The following SGK3 variants were observed in gnomAD, a reference collection of about 807,000 sequenced individuals.
The protein encoded by SGK3 is serum/glucocorticoid regulated kinase family member 3, also known as serine/threonine-protein kinase Sgk3.
SGK3 carries 47 observed loss-of-function variants against 68.5 expected under a neutral mutation model. That is an observed-to-expected ratio of 0.69 (90% CI 0.54 to 0.87). The LOEUF is 0.87. SGK3 is among the 40% of genes least tolerant of loss of function. The probability of loss-of-function intolerance (pLI) is 0.00; values close to 1 mark genes in which losing one functional copy is unlikely to be tolerated. For missense variants in SGK3, 479 were observed against 575.5 expected (o/e 0.83, Z 1.72); for synonymous variants, 181 against 189.1 (o/e 0.96, Z 0.35).
rs1345647602 is a variant in SGK3, at chr8:66,841,068, T to C, written c.936T>C (p.Ile312=). 3.8e-6 allele frequency: 6 copies of C among 1,599,440 alleles called. No homozygotes were observed. Among genetic ancestry groups the C allele is most frequent in the East Asian group, 2.3e-5 (1 of 43,964 alleles). ...LTDFGLCKEG[I]AISDTTTTFC... ...ATTTTGGGCTTTGTAAAGAAGGAAT[T>C]GCTATTTCTGACACCACTACCACAT... is the stretch of plus-strand genomic sequence containing the variant. Residue 312 remains isoleucine, a synonymous_variant, in exon 13 of 17, where the codon ATT becomes ATC. Coordinates refer to ENST00000521198, the MANE Select transcript of SGK3 (RefSeq NM_001033578.3).
intron 5 of SGK3, 39 bp downstream of exon 5, chr8:66,813,967 C>T (rs1460629737): frequency 6.7e-7 from 1 of 1,502,130 alleles, no homozygotes; most frequent in African/African-American, 1.4e-5. Flanking sequence ...GACATTAAAA[C>T]TAAACCTAAG....
intron 1 of SGK3, among the ~76,000 whole-genome samples, chr8:66,742,054 A>G (rs1805496682): frequency 1.3e-5 from 2 of 152,348 alleles, no homozygotes; most frequent in South Asian, 4.1e-4. Context: ...AGTCAAAGGA[A>G]CATCAAGTAC....
intron 1 of SGK3, among the ~76,000 whole-genome samples, chr8:66,760,495 C>T (rs755303635): frequency 2.6e-5 from 4 of 151,776 alleles, no homozygotes; most frequent in Admixed American, 6.6e-5. Flanking sequence ...CCACCACACC[C>T]GGCTAACTTT....
intron 8 of SGK3, among the ~76,000 whole-genome samples, chr8:66,832,541 CCTG>C (rs1809344313): frequency 6.6e-6 from 1 of 152,104 alleles, no homozygotes. Context: ...AGAAATTAAT[CCTG>C]CTCTCAAAAT....
At chr8:66,759,077 C>CCT (rs1554595461) in intron 1 of SGK3, among the ~76,000 whole-genome samples, 1 of 147,212 alleles carries the variant, frequency 6.8e-6, no homozygotes, top group African/African-American at 2.5e-5. Flanking sequence ...TTTTTCTTTT[C>CCT]TTCTTTTTTT....
intron 1 of SGK3, among the ~76,000 whole-genome samples, chr8:66,719,316 A>G (rs536697054): frequency 3.4e-5 from 5 of 145,094 alleles, no homozygotes; most frequent in Admixed American, 6.9e-5. Flanking sequence ...TTTTTCTTTT[A>G]TTTGTTTGTT....
At chr8:66,730,772 T>C (rs901700493) in intron 1 of SGK3, among the ~76,000 whole-genome samples, 1 of 151,956 alleles carries the variant, frequency 6.6e-6, no homozygotes. Context: ...CCCCCTCCCA[T>C]GTTCAAGCAA....
At chr8:66,723,131 A>ATATATATATATT in intron 1 of SGK3, among the ~76,000 whole-genome samples, 1 of 29,496 alleles carries the variant, frequency 3.4e-5, no homozygotes, top group Non-Finnish European at 5.9e-5. Context: ...ATATATATAT[A>ATATATATATATT]TTTTTTTTTT....
At chr8:66,745,594 C>A (rs140980254) in intron 1 of SGK3, among the ~76,000 whole-genome samples, 14,484 of 145,534 alleles carry the variant, frequency 0.1, 1,082 homozygotes, top group African/African-American at 0.24. Flanking sequence ...CAAAACAAAA[C>A]AAAAAAACAA....
intron 1 of SGK3, among the ~76,000 whole-genome samples, chr8:66,757,927 GTATA>G (rs371749099): frequency 1.5e-5 from 2 of 134,260 alleles, no homozygotes; most frequent in East Asian, 4.3e-4. Flanking sequence ...AAAAAAAAGT[GTATA>G]TATATATATA....
intron 3 of SGK3, among the ~76,000 whole-genome samples, chr8:66,800,427 G>A (rs1363538337): frequency 7.3e-6 from 1 of 137,776 alleles, no homozygotes; most frequent in East Asian, 2.1e-4. Context: ...GGGTACATGT[G>A]CACAACGTGC....
rs933763478 is a variant in SGK3, at chr8:66,813,460, G to A, written c.254-393G>A. On this transcript the variant is annotated intron_variant, in intron 4 of 16. Transcript: ENST00000521198. ...GAAATCCTTATTTTTTTAAATTACCGTGATTTTCAGTCATCAGTGTCATAG... is the reference window on the plus strand; with the variant it reads ...GAAATCCTTATTTTTTTAAATTACCATGATTTTCAGTCATCAGTGTCATAG... Among the ~76,000 whole-genome samples, 8 of 151,862 alleles carry A rather than the reference G, an allele frequency of 5.3e-5. No homozygotes were observed. In the South Asian group the frequency reaches 6.2e-4, roughly 12 times the overall value.
intron 1 of SGK3, among the ~76,000 whole-genome samples, chr8:66,781,807 G>A (rs998908007): frequency 2.6e-5 from 4 of 152,144 alleles, no homozygotes; most frequent in African/African-American, 4.8e-5. Context: ...AGTAAACCTA[G>A]GAAAAACTGG....
chr8:66,719,548 G>C (rs1046417107), intron 1 of SGK3, among the ~76,000 whole-genome samples: 5 of 151,958 alleles, frequency 3.3e-5, no homozygotes, highest in African/African-American at 4.8e-5. Context: ...CGAACCCCTG[G>C]ACTCAAGTAA....
chr8:66,750,858 T>G (rs1805792480), intron 1 of SGK3, among the ~76,000 whole-genome samples: 1 of 151,162 alleles, frequency 6.6e-6, no homozygotes, highest in African/African-American at 2.4e-5. Flanking sequence ...ATATAAAAAT[T>G]AGCCAGGCAT....
intron 1 of SGK3, among the ~76,000 whole-genome samples, chr8:66,732,116 T>C (rs1277084426): frequency 6.6e-6 from 1 of 152,168 alleles, no homozygotes; most frequent in Non-Finnish European, 1.5e-5. Context: ...AATTTTCTTG[T>C]TTTTCATTGG....
At chr8:66,798,000 C>T (rs754399524) in intron 2 of SGK3, among the ~76,000 whole-genome samples, 12 of 151,282 alleles carry the variant, frequency 7.9e-5, no homozygotes, top group Non-Finnish European at 1.8e-4. Flanking sequence ...CTTCCCATCA[C>T]AAGAAACCAC....
At chr8:66,852,260 G>A (rs1810322048) in intron 16 of SGK3, among the ~76,000 whole-genome samples, 1 of 147,520 alleles carries the variant, frequency 6.8e-6, no homozygotes, top group Non-Finnish European at 1.5e-5. Context: ...TGATGTTGCT[G>A]CAAAACTTAA....
At chr8:66,806,996 CAG>C (rs1163112763) in intron 4 of SGK3, among the ~76,000 whole-genome samples, 3 of 152,064 alleles carry the variant, frequency 2.0e-5, no homozygotes, top group African/African-American at 4.8e-5. Context: ...GTGAAACTGA[CAG>C]TGTGTAATTT....
Sources: allele counts gnomAD v4.1 joint callset (sites outside exome capture counted in the v4.1 genomes callset), GRCh38; gene constraint gnomAD v4.1.1; transcripts MANE v1.5; gene names NCBI Gene and HGNC (gene_info 2026-07-23, HGNC 2026-07-21).